ACCSL: variants seen among roughly 807,000 people sequenced by gnomAD.
The protein encoded by ACCSL is 1-aminocyclopropane-1-carboxylate synthase homolog (inactive) like.
A neutral mutation model predicts 61.7 loss-of-function variants in ACCSL; 55 were observed. The ratio of observed to expected loss-of-function variants is 0.89; its 90% CI spans 0.72 to 1.12. ACCSL has a LOEUF of 1.12. Ranked by LOEUF, ACCSL falls within the 50% of genes most tolerant of loss-of-function variation. ACCSL has a pLI of 0.00. For synonymous variants in ACCSL, 258 were observed against 264.3 expected (o/e 0.98, Z 0.23); for missense variants, 632 against 698.0 (o/e 0.91, Z 1.07).
chr11:43,938,793 C>T, the ACCSL span, among the ~76,000 whole-genome samples: 1 of 152,182 alleles, frequency 6.6e-6, no homozygotes, highest in Non-Finnish European at 1.5e-5. Context: ...CAGAGCAAGA[C>T]TCCATCTCAA....
At chr11:43,958,815 T>C in the ACCSL span, among the ~76,000 whole-genome samples, 2 of 152,162 alleles carry the variant, frequency 1.3e-5, no homozygotes, top group Non-Finnish European at 1.5e-5. Flanking sequence ...GTCATGGCCA[T>C]GAACTCAGCT....
chr11:43,991,828 C>G, the ACCSL span, among the ~76,000 whole-genome samples: 12 of 152,004 alleles, frequency 7.9e-5, no homozygotes, highest in Non-Finnish European at 2.9e-5. Flanking sequence ...GCACCTCCCC[C>G]AAAGCCCACC....
At chr11:44,049,332 A>G (rs948319994) in intron 1 of ACCSL, among the ~76,000 whole-genome samples, 1 of 145,288 alleles carries the variant, frequency 6.9e-6, no homozygotes, top group Non-Finnish European at 1.5e-5. Flanking sequence ...AGGTGGGAGG[A>G]TCACTTGACC....
chr11:44,056,295 G>A lies in ACCSL; in HGVS notation c.1296G>A (p.Gln432=), dbSNP rs1277282693. ...TCCACAGTATTTCTGGCATCACCCA[G>A]CACAAGCTGTGTCAACTGCTCCAGA... ...GYLHSISGIT[Q]HKLCQLLQNT... Residue 432 remains glutamine, a synonymous_variant, in exon 11 of 14, where the codon CAG becomes CAA. Coordinates refer to ENST00000378832, the MANE Select transcript of ACCSL (RefSeq NM_001031854.2). 2 of 1,614,100 alleles carry A rather than the reference G, an allele frequency of 1.2e-6. No homozygotes were observed. Among genetic ancestry groups the A allele is most frequent in the Admixed American group, 1.7e-5 (1 of 60,008 alleles).
At chr11:43,952,008 GA>G in the ACCSL span, among the ~76,000 whole-genome samples, 329 of 141,246 alleles carry the variant, frequency 2.3e-3, no homozygotes, top group Non-Finnish European at 4.0e-3. Context: ...TTCAGAAAAA[GA>G]AAAAAAAAAG....
intron 2 of ACCSL, 84 bp downstream of exon 2, chr11:44,050,205 G>C: frequency 8.7e-7 from 1 of 1,155,582 alleles, no homozygotes; most frequent in South Asian, 1.2e-5. Flanking sequence ...GTAGATACAG[G>C]GGTGAGACAT....
At chr11:44,052,392 T>G (rs1952644870) in intron 5 of ACCSL, among the ~76,000 whole-genome samples, 1 of 152,256 alleles carries the variant, frequency 6.6e-6, no homozygotes, top group African/African-American at 2.4e-5. Flanking sequence ...GCTTGACTTG[T>G]GCCCTGGATT....
At chr11:44,039,453 T>C in the ACCSL span, among the ~76,000 whole-genome samples, 5 of 151,704 alleles carry the variant, frequency 3.3e-5, no homozygotes, top group African/African-American at 1.2e-4. Context: ...AGCTAAGCTA[T>C]GAGGATGCAA....
At chr11:44,009,014 A>G in the ACCSL span, among the ~76,000 whole-genome samples, 1 of 152,084 alleles carries the variant, frequency 6.6e-6, no homozygotes, top group Non-Finnish European at 1.5e-5. Flanking sequence ...TGAAAATACA[A>G]AAAATTAGCC....
chr11:44,048,448 C>T lies in ACCSL; in HGVS notation c.412C>T (p.Arg138Cys), dbSNP rs372956008. The change falls in exon 1 of 14, where the codon CGT (arginine) becomes TGT (cysteine). Residue 138 changes from arginine (R) to cysteine (C), a missense_variant. Transcript: ENST00000378832. The part of the protein sequence containing the change: ...AAFVNRDLSI[R>C]GIDISVFYQS... ...CTTTGTCAACCGCGACCTATCCATCCGTGGGATTGACATCTCTGTCTTTTA... is the reference window on the plus strand; with the variant it reads ...CTTTGTCAACCGCGACCTATCCATCTGTGGGATTGACATCTCTGTCTTTTA... 48 of 1,613,420 alleles carry T rather than the reference C, an allele frequency of 3.0e-5. No homozygotes were observed. Among genetic ancestry groups the T allele is most frequent in the East Asian group, 6.7e-5 (3 of 44,838 alleles).
At chr11:44,024,215 C>A in the ACCSL span, among the ~76,000 whole-genome samples, 9 of 152,246 alleles carry the variant, frequency 5.9e-5, no homozygotes, top group South Asian at 1.9e-3. Context: ...TTTACTTGAG[C>A]TGGCACATCA....
the ACCSL span, among the ~76,000 whole-genome samples, chr11:43,954,783 C>G: frequency 2.6e-5 from 4 of 152,070 alleles, no homozygotes; most frequent in Non-Finnish European, 4.4e-5. Flanking sequence ...CGGGGTTTCT[C>G]CACGTTGGTC....
the ACCSL span, among the ~76,000 whole-genome samples, chr11:43,967,167 CTTTTTTTTTTTTTTT>C: frequency 1.4e-4 from 9 of 62,706 alleles, no homozygotes; most frequent in East Asian, 4.1e-3. Context: ...TCTTCTTCTT[CTTTTTTTTTTTTTTT>C]TTTTTTTTTT....
the ACCSL span, among the ~76,000 whole-genome samples, chr11:43,996,870 G>C: frequency 2.6e-5 from 4 of 151,146 alleles, no homozygotes; most frequent in African/African-American, 4.9e-5. Context: ...TAAAGAGCAA[G>C]GGTGTACACT....
At chr11:44,035,936 TAAAAAAAAAAA>T in the ACCSL span, among the ~76,000 whole-genome samples, 1 of 79,090 alleles carries the variant, frequency 1.3e-5, no homozygotes, top group African/African-American at 5.0e-5. Context: ...AGACTCTGTG[TAAAAAAAAAAA>T]AAAAAAAAAA....
At chr11:43,998,010 G>T in the ACCSL span, among the ~76,000 whole-genome samples, 1 of 152,166 alleles carries the variant, frequency 6.6e-6, no homozygotes, top group African/African-American at 2.4e-5. Flanking sequence ...TTAAAAGCAT[G>T]GTATTTTGGA....
the ACCSL span, among the ~76,000 whole-genome samples, chr11:43,949,828 AAACAACAAC>A: frequency 3.3e-5 from 5 of 150,556 alleles, no homozygotes; most frequent in African/African-American, 4.9e-5. Context: ...AAAAACAAAC[AAACAACAAC>A]AACAACAACA....
the ACCSL span, among the ~76,000 whole-genome samples, chr11:43,982,751 G>A: frequency 6.6e-6 from 1 of 152,208 alleles, no homozygotes; most frequent in Non-Finnish European, 1.5e-5. Context: ...TGAAGGATCT[G>A]GAAGTCATTC....
At chr11:44,052,364 C>A (rs1952644765) in intron 5 of ACCSL, among the ~76,000 whole-genome samples, 1 of 152,228 alleles carries the variant, frequency 6.6e-6, no homozygotes, top group Admixed American at 6.5e-5. Context: ...ACCATTGCTC[C>A]ATCTGCTAGT....
Sources: allele counts gnomAD v4.1 joint callset (sites outside exome capture counted in the v4.1 genomes callset), GRCh38; gene constraint gnomAD v4.1.1; transcripts MANE v1.5; gene names NCBI Gene and HGNC (gene_info 2026-07-23, HGNC 2026-07-21).